NAALADL2: variants seen among roughly 807,000 people sequenced by gnomAD.
The protein encoded by NAALADL2 is inactive N-acetylated-alpha-linked acidic dipeptidase-like protein 2.
In NAALADL2, 76 loss-of-function variants were observed where a neutral mutation model predicts 87.2. The ratio of observed to expected loss-of-function variants is 0.87; its 90% confidence interval spans 0.72 to 1.05. NAALADL2 has a LOEUF of 1.05. Among genes scored for constraint, NAALADL2 ranks in the 50% least tolerant of loss-of-function variants. The probability of loss-of-function intolerance (pLI) is 0.00; values close to 1 mark genes in which losing one functional copy is unlikely to be tolerated. For missense variants in NAALADL2, 1,089 were observed against 945.8 expected, an observed-to-expected ratio of 1.15 and a Z score of -1.99; for synonymous variants, 354 against 331.0, an observed-to-expected ratio of 1.07 and a Z score of -0.75.
intron 1 of NAALADL2, among the ~76,000 whole-genome samples, chr3:174,499,174 C>T (rs1035869422): frequency 6.6e-6 from 1 of 152,024 alleles, no homozygotes; most frequent in Non-Finnish European, 1.5e-5. Flanking sequence ...GATCTTGGAA[C>T]ATGTGCTCCC....
intron 9 of NAALADL2, among the ~76,000 whole-genome samples, chr3:175,546,264 AT>A (rs1257854354): frequency 1.3e-5 from 2 of 151,886 alleles, no homozygotes; most frequent in African/African-American, 4.8e-5. Flanking sequence ...CCATCCCTTT[AT>A]TTTGAGCATA....
At chr3:175,292,930 G>A (rs374408709) in intron 4 of NAALADL2, among the ~76,000 whole-genome samples, 1 of 151,186 alleles carries the variant, frequency 6.6e-6, no homozygotes, top group African/African-American at 2.4e-5. Flanking sequence ...CCAGCTACTC[G>A]GGAGGCTGAG....
intron 9 of NAALADL2, among the ~76,000 whole-genome samples, chr3:175,540,037 C>T (rs1270105374): frequency 6.6e-6 from 1 of 152,102 alleles, no homozygotes; most frequent in African/African-American, 2.4e-5. Flanking sequence ...AGTTTGAGCC[C>T]AGAATTATTC....
At chr3:175,369,222 T>C (rs1766114390) in intron 5 of NAALADL2, among the ~76,000 whole-genome samples, 1 of 152,114 alleles carries the variant, frequency 6.6e-6, no homozygotes, top group African/African-American at 2.4e-5. Context: ...TGTATATATA[T>C]GTAGCAAGTA....
At chr3:174,476,435 T>C (rs1468903340) in intron 1 of NAALADL2, among the ~76,000 whole-genome samples, 1 of 151,978 alleles carries the variant, frequency 6.6e-6, no homozygotes, top group African/African-American at 2.4e-5. Flanking sequence ...CTCTTCTCGT[T>C]TTCAGCCTTC....
intron 1 of NAALADL2, among the ~76,000 whole-genome samples, chr3:174,934,218 A>G (rs1165271952): frequency 6.6e-6 from 1 of 152,114 alleles, no homozygotes; most frequent in African/African-American, 2.4e-5. Flanking sequence ...AGGATTTCAC[A>G]CACTTTACTG....
chr3:174,556,130 G>A (rs1055139466), intron 2 of NAALADL2, among the ~76,000 whole-genome samples: 3 of 152,032 alleles, frequency 2.0e-5, no homozygotes, highest in African/African-American at 7.2e-5. Context: ...TTAAAGTGCT[G>A]GGTGATTACA....
At chr3:174,628,687 A>G (rs1578365897) in intron 2 of NAALADL2, among the ~76,000 whole-genome samples, 1 of 152,194 alleles carries the variant, frequency 6.6e-6, no homozygotes, top group South Asian at 2.1e-4. Flanking sequence ...TCCTTTTCTA[A>G]CCTTTTATAG....
chr3:174,535,001 T>C (rs977668412), intron 1 of NAALADL2, among the ~76,000 whole-genome samples: 4 of 152,206 alleles, frequency 2.6e-5, no homozygotes, highest in African/African-American at 9.6e-5. Context: ...CACATCCTTC[T>C]GGTAATTTTA....
chr3:175,494,772 A>G (rs987022839), intron 9 of NAALADL2, among the ~76,000 whole-genome samples: 18 of 151,970 alleles, frequency 1.2e-4, no homozygotes, highest in Non-Finnish European at 2.9e-5. Flanking sequence ...GCCTTCATAC[A>G]TATATGTGTG....
chr3:174,994,849 A>G (rs1747211791), intron 1 of NAALADL2, among the ~76,000 whole-genome samples: 1 of 152,160 alleles, frequency 6.6e-6, no homozygotes, highest in African/African-American at 2.4e-5. Flanking sequence ...TGTTTACAAC[A>G]TATTTCTTTT....
chr3:175,324,357 T>C (rs1760416323), intron 5 of NAALADL2, 32 bp downstream of exon 5: 1 of 1,571,166 alleles, frequency 6.4e-7, no homozygotes, highest in Non-Finnish European at 8.6e-7. Flanking sequence ...ATTATACTTG[T>C]AAGTAAGCAT....
At chr3:174,677,740 T>C (rs1727174359) in intron 2 of NAALADL2, among the ~76,000 whole-genome samples, 2 of 152,078 alleles carry the variant, frequency 1.3e-5, no homozygotes, top group Admixed American at 1.3e-4. Context: ...TCGATAGCAT[T>C]GTAACTCATG....
At chr3:175,788,948 G>A (rs1046111030) in intron 13 of NAALADL2, among the ~76,000 whole-genome samples, 5 of 152,078 alleles carry the variant, frequency 3.3e-5, no homozygotes, top group Non-Finnish European at 7.4e-5. Flanking sequence ...TTCTGAGGAA[G>A]GGAAGATAAA....
At chr3:175,334,666 A>C (rs1332882518) in intron 5 of NAALADL2, among the ~76,000 whole-genome samples, 2 of 152,180 alleles carry the variant, frequency 1.3e-5, no homozygotes, top group African/African-American at 4.8e-5. Context: ...TTATTCTACA[A>C]ATCACTCCAC....
At chr3:174,932,696 T>C (rs886084066) in intron 1 of NAALADL2, among the ~76,000 whole-genome samples, 1 of 152,250 alleles carries the variant, frequency 6.6e-6, no homozygotes, top group African/African-American at 2.4e-5. Flanking sequence ...TCTTCATTTA[T>C]GGTGAACTTT....
chr3:175,786,022 A>G (rs967428864), intron 13 of NAALADL2, among the ~76,000 whole-genome samples: 41 of 152,208 alleles, frequency 2.7e-4, no homozygotes, highest in Non-Finnish European at 4.8e-4. Flanking sequence ...AATGTTGAAT[A>G]TCAGCCCCCA....
chr3:175,131,814 C>CAGA (rs1560067917), intron 2 of NAALADL2, among the ~76,000 whole-genome samples: 1 of 134,044 alleles, frequency 7.5e-6, no homozygotes, highest in Non-Finnish European at 1.6e-5. Context: ...CCTGGCCGGG[C>CAGA]GGGGGGCTGA....
chr3:175,376,652 T>C (rs573066642), intron 5 of NAALADL2, among the ~76,000 whole-genome samples: 11 of 152,304 alleles, frequency 7.2e-5, no homozygotes, highest in East Asian at 3.9e-4. Context: ...TGGACTGTTA[T>C]GTTTCATCAG....
Sources: gnomAD v4.1 joint callset for allele counts (sites outside exome capture counted in the v4.1 genomes callset) on GRCh38, gnomAD v4.1.1 for gene constraint, MANE v1.5 for transcripts, NCBI Gene and HGNC (gene_info 2026-07-23, HGNC 2026-07-21) for gene names.